The following ANKFN1 variants were observed in gnomAD, a reference collection of about 807,000 sequenced individuals.
ANKFN1 encodes ankyrin repeat and fibronectin type-III domain-containing protein 1.
A neutral mutation model predicts 108.7 loss-of-function variants in ANKFN1; 74 were observed. That is an observed-to-expected ratio of 0.68 (90% confidence interval 0.56 to 0.83). The LOEUF is 0.83. Among genes scored for constraint, ANKFN1 ranks in the 40% least tolerant of loss-of-function variants. The pLI, the probability that ANKFN1 is intolerant of heterozygous loss-of-function variation, is 0.00. For missense variants in ANKFN1, 1,505 were observed against 1,382.3 expected (o/e 1.09, Z -1.41); for synonymous variants, 547 against 516.2 (o/e 1.06, Z -0.81).
At chr17:56,404,718 G>A (rs1460548449) in intron 8 of ANKFN1, among the ~76,000 whole-genome samples, 1 of 152,122 alleles carries the variant, frequency 6.6e-6, no homozygotes, top group Non-Finnish European at 1.5e-5. Context: ...GTGATTTTGG[G>A]GGGTATGGAA....
At chr17:56,082,446 A>AG (rs1905260287) in intron 4 of ANKFN1, among the ~76,000 whole-genome samples, 1 of 151,998 alleles carries the variant, frequency 6.6e-6, no homozygotes, top group Admixed American at 6.5e-5. Context: ...ACACACAAAA[A>AG]AAAACCACGA....
At chr17:56,473,880 C>T (rs2050409709) in intron 15 of ANKFN1, among the ~76,000 whole-genome samples, 1 of 152,066 alleles carries the variant, frequency 6.6e-6, no homozygotes, top group Non-Finnish European at 1.5e-5. Context: ...TTTATATAAT[C>T]ACAGTGTACT....
intron 8 of ANKFN1, among the ~76,000 whole-genome samples, chr17:56,412,788 C>A (rs1268657756): frequency 6.6e-6 from 1 of 152,130 alleles, no homozygotes; most frequent in African/African-American, 2.4e-5. Context: ...TACAGATGAC[C>A]TATTGTGGGA....
intron 4 of ANKFN1, among the ~76,000 whole-genome samples, chr17:56,064,284 A>G (rs1324108156): frequency 1.3e-5 from 2 of 152,166 alleles, no homozygotes; most frequent in Non-Finnish European, 2.9e-5. Context: ...GTGCTGGGGG[A>G]AAACCCACTC....
chr17:56,273,733 T>C (rs940397819), intron 3 of ANKFN1, among the ~76,000 whole-genome samples: 2 of 152,182 alleles, frequency 1.3e-5, no homozygotes, highest in African/African-American at 4.8e-5. Context: ...ATAGCTAATA[T>C]TATTGTGTAT....
intron 1 of ANKFN1, among the ~76,000 whole-genome samples, chr17:56,199,304 T>C (rs1913829429): frequency 6.6e-6 from 1 of 152,012 alleles, no homozygotes; most frequent in Non-Finnish European, 1.5e-5. Context: ...TTTTAAATGT[T>C]TATTTCATAC....
chr17:56,363,569 G>A (rs115120125), intron 6 of ANKFN1, among the ~76,000 whole-genome samples: 2,314 of 152,122 alleles, frequency 0.015, 63 homozygotes, highest in African/African-American at 0.053. Context: ...CCTACTTCTG[G>A]GTATTTACCC....
rs1175301331 is a variant in ANKFN1, at chr17:56,467,852, A to AAGAAAGAAAGAAAGAAAG, written c.1773+1282_1773+1283insGAAAGAAAGAAAGAAAGA. Among the ~76,000 whole-genome samples, 5 of 22,960 alleles carry AAGAAAGAAAGAAAGAAAG rather than the reference A, an allele frequency of 2.2e-4. 1 individual carries two copies. Among genetic ancestry groups the AAGAAAGAAAGAAAGAAAG allele is most frequent in the East Asian group, 5.5e-3 (2 of 366 alleles). The allele number at this position is 22,960 out of a possible 152,430, so 15.1% of individuals were successfully genotyped here. A position where few individuals can be genotyped will look rare whatever the true frequency, so the allele number is the denominator to read the frequency against. On this transcript the variant is annotated intron_variant, in intron 15 of 20. Transcript: ENST00000682825. ...AAAGAAAGAAAGAAAGAAAGAAAGA[A>AAGAAAGAAAGAAAGAAAG]AAAGGGAAAGAAAGAAAGAACTAGA...
At position 56,440,332 on chromosome 17, in the gene ANKFN1, T is replaced by C; in HGVS notation, c.916T>C (p.Trp306Arg). The change falls in exon 9 of 21, where the codon TGG becomes CGG. Residue 306 changes from tryptophan to arginine, a missense_variant. Physicochemically the swap from Trp to Arg is moderately radical, Grantham distance 101 (BLOSUM62 -3). Coordinates refer to ENST00000682825, the MANE Select transcript of ANKFN1 (RefSeq NM_001370326.1). ...AAVVTRYKVEWSMSEDFSPLA... is the reference protein window; with the variant it reads ...AAVVTRYKVERSMSEDFSPLA... ...TGCCCCCCTACTCCCTCCAGTGGAA[T>C]GGAGTATGTCCGAAGACTTTTCTCC... The C allele has an allele frequency of 6.2e-7, 1 of 1,602,466 alleles. No homozygotes were observed. Among genetic ancestry groups the C allele is most frequent in the Non-Finnish European group, 8.5e-7 (1 of 1,170,264 alleles).
intron 4 of ANKFN1, among the ~76,000 whole-genome samples, chr17:56,348,356 T>C (rs1351175057): frequency 6.6e-6 from 1 of 152,088 alleles, no homozygotes; most frequent in Non-Finnish European, 1.5e-5. Context: ...TTACTAAGAT[T>C]GACTAAGTAG....
intron 1 of ANKFN1, among the ~76,000 whole-genome samples, chr17:56,194,976 C>T (rs1264799812): frequency 2.6e-5 from 4 of 152,220 alleles, no homozygotes; most frequent in Non-Finnish European, 5.9e-5. Flanking sequence ...TTCTCTATGA[C>T]TCATGTAGAC....
intron 4 of ANKFN1, among the ~76,000 whole-genome samples, chr17:56,081,553 A>G (rs1236497752): frequency 6.6e-6 from 1 of 152,002 alleles, no homozygotes; most frequent in African/African-American, 2.4e-5. Flanking sequence ...GGGCTTCACC[A>G]TGTTGGTTAG....
At chr17:56,362,669 A>G (rs1490217903) in intron 6 of ANKFN1, among the ~76,000 whole-genome samples, 1 of 152,200 alleles carries the variant, frequency 6.6e-6, no homozygotes, top group Non-Finnish European at 1.5e-5. Flanking sequence ...ATAGGGGAGA[A>G]ACTACATGAC....
intron 3 of ANKFN1, among the ~76,000 whole-genome samples, chr17:56,267,042 A>G (rs8069436): frequency 0.014 from 2,089 of 152,042 alleles, 51 homozygotes; most frequent in African/African-American, 0.047. Flanking sequence ...TCTCCACTCA[A>G]TAGGTAGTTT....
At position 56,281,823 on chromosome 17, in the gene ANKFN1, TACTG is replaced by T. The variant is rs1178290252; in HGVS notation, c.54-44395_54-44392del. Among the ~76,000 whole-genome samples the T allele has an allele frequency of 1.5e-4, 23 of 152,292 alleles. 1 individual carries two copies. In the South Asian group the frequency reaches 4.6e-3, roughly 30 times the overall value. ...CTCACACTATTTTAATGGCTAAAAATACTGACAATACCAAATGTTGGTAAAGATG... is the reference window on the plus strand; with the variant it reads ...CTCACACTATTTTAATGGCTAAAAATACAATACCAAATGTTGGTAAAGATG... On this transcript the variant is annotated intron_variant, in intron 3 of 20. Transcript: ENST00000682825.
At chr17:56,229,531 G>T (rs1041182411) in intron 3 of ANKFN1, among the ~76,000 whole-genome samples, 8 of 151,630 alleles carry the variant, frequency 5.3e-5, no homozygotes, top group African/African-American at 1.7e-4. Context: ...TATATTAATC[G>T]TGAAAATTTG....
intron 20 of ANKFN1, among the ~76,000 whole-genome samples, chr17:56,502,525 T>G (rs4793819): frequency 6.6e-6 from 1 of 152,046 alleles, no homozygotes; most frequent in African/African-American, 2.4e-5. Flanking sequence ...AACCTAATGA[T>G]GGGGAAGTGC....
At chr17:56,332,550 C>A (rs986882502) in intron 4 of ANKFN1, among the ~76,000 whole-genome samples, 1 of 152,090 alleles carries the variant, frequency 6.6e-6, no homozygotes, top group Non-Finnish European at 1.5e-5. Flanking sequence ...AAAAGATTAT[C>A]TTTTTTCCTA....
chr17:56,238,294 T>C (rs918087996), intron 3 of ANKFN1, among the ~76,000 whole-genome samples: 1 of 152,154 alleles, frequency 6.6e-6, no homozygotes. Context: ...ATCCATTTGG[T>C]CCAATGTTGA....
Sources: gnomAD v4.1 joint callset for allele counts (sites outside exome capture counted in the v4.1 genomes callset) on GRCh38, gnomAD v4.1.1 for gene constraint, MANE v1.5 for transcripts, NCBI Gene and HGNC (gene_info 2026-07-23, HGNC 2026-07-21) for gene names.